Variants in FGFR1OP2 observed in about 807,000 individuals in gnomAD.
The protein encoded by FGFR1OP2 is fibroblast growth factor receptor 1 oncogene partner 2.
A neutral mutation model predicts 35.2 loss-of-function variants in FGFR1OP2; 17 were observed. That is an observed-to-expected ratio of 0.48 (90% CI 0.33 to 0.73). The LOEUF is 0.73. FGFR1OP2 is among the 30% of genes least tolerant of loss of function. The pLI, the probability that FGFR1OP2 is intolerant of heterozygous loss-of-function variation, is 0.02. For synonymous variants in FGFR1OP2, 105 were observed against 104.6 expected, an observed-to-expected ratio of 1.00 and a Z score of -0.03; for missense variants, 251 against 307.3, an observed-to-expected ratio of 0.82 and a Z score of 1.37.
intron 2 of FGFR1OP2, 62 bp from the exon 3 acceptor site, chr12:26,956,481 T>TAC: frequency 1.0e-5 from 1 of 99,218 alleles, no homozygotes; most frequent in Non-Finnish European, 2.0e-5. Context: ...TTATATATCA[T>TAC]ATATATATAT....
At chr12:26,942,979 T>C (rs1938760692) in intron 1 of FGFR1OP2, among the ~76,000 whole-genome samples, 1 of 152,218 alleles carries the variant, frequency 6.6e-6, no homozygotes, top group African/African-American at 2.4e-5. Flanking sequence ...TTTTCTTTTA[T>C]GAATCATGCT....
At chr12:26,947,030 T>G (rs1004583237) in intron 1 of FGFR1OP2, among the ~76,000 whole-genome samples, 10 of 152,132 alleles carry the variant, frequency 6.6e-5, no homozygotes, top group Admixed American at 2.0e-4. Flanking sequence ...TTTTTTTTTT[T>G]GCCAGATATT....
Position 26,952,675 on chromosome 12 carries a change from CTT to C in FGFR1OP2, c.-14-1456_-14-1455del, listed in dbSNP as rs763886345. 7.4e-4 allele frequency among the ~76,000 whole-genome samples: 98 copies of C among 132,468 alleles called. 1 individual carries two copies. Among genetic ancestry groups the C allele is most frequent in the Middle Eastern group, 4.0e-3 (1 of 248 alleles). 86.9% of individuals were successfully genotyped at this position (132,468 alleles called of 152,430 possible). A position where few individuals can be genotyped will look rare whatever the true frequency, so the allele number is the denominator to read the frequency against. On this transcript the variant is annotated intron_variant, in intron 1 of 6. Coordinates refer to ENST00000229395, the MANE Select transcript of FGFR1OP2 (RefSeq NM_015633.3). ...TAAATTTTCTCTTTGCTACTTGTTG[CTT>C]TTTTTTTTTTTTTGTATTGGAGGGG...
intron 1 of FGFR1OP2, among the ~76,000 whole-genome samples, chr12:26,949,997 T>G (rs1938891228): frequency 6.6e-6 from 1 of 152,096 alleles, no homozygotes; most frequent in African/African-American, 2.4e-5. Flanking sequence ...ACAGGCCAAA[T>G]TTTGTGTATC....
intron 1 of FGFR1OP2, among the ~76,000 whole-genome samples, chr12:26,940,309 C>T (rs761357995): frequency 6.6e-6 from 1 of 152,188 alleles, no homozygotes; most frequent in Non-Finnish European, 1.5e-5. Flanking sequence ...CCTCCAGTGT[C>T]ATTACTTCCA....
intron 4 of FGFR1OP2, among the ~76,000 whole-genome samples, chr12:26,959,303 A>G (rs1355993204): frequency 2.0e-5 from 3 of 152,130 alleles, no homozygotes; most frequent in Non-Finnish European, 4.4e-5. Context: ...TAATGAGACC[A>G]TTCTAAAATC....
intron 1 of FGFR1OP2, among the ~76,000 whole-genome samples, chr12:26,951,859 T>G (rs1007201847): frequency 6.6e-6 from 1 of 152,228 alleles, no homozygotes; most frequent in Non-Finnish European, 1.5e-5. Context: ...GTTCTTCTTA[T>G]AGTAGTCCCA....
intron 1 of FGFR1OP2, among the ~76,000 whole-genome samples, chr12:26,950,491 G>T (rs1199312183): frequency 6.6e-6 from 1 of 151,980 alleles, no homozygotes; most frequent in East Asian, 1.9e-4. Context: ...CTCCCAAAGT[G>T]CTGGGATTAC....
At chr12:26,959,104 A>G (rs1038728002) in intron 4 of FGFR1OP2, among the ~76,000 whole-genome samples, 2 of 152,122 alleles carry the variant, frequency 1.3e-5, no homozygotes, top group Non-Finnish European at 2.9e-5. Context: ...CCTATCAAAT[A>G]GCTCTTTATA....
chr12:26,938,839 C>G (rs538544966), intron 1 of FGFR1OP2, 129 bp downstream of exon 1: 2 of 152,380 alleles, frequency 1.3e-5, no homozygotes, highest in South Asian at 2.1e-4. Flanking sequence ...CTGTCCGCTT[C>G]CCGCCGCGGG....
intron 1 of FGFR1OP2, among the ~76,000 whole-genome samples, chr12:26,946,060 A>G (rs1003968545): frequency 2.6e-5 from 4 of 152,122 alleles, no homozygotes; most frequent in African/African-American, 7.2e-5. Context: ...CATTTTGCCT[A>G]TATTGCTGAT....
chr12:26,966,554 T>TG lies in FGFR1OP2; in HGVS notation c.*1821_*1822insG, dbSNP rs1450232127. The TG allele has an allele frequency of 1.5e-3, 231 of 151,918 alleles. 1 individual carries two copies. The highest frequency in any genetic ancestry group is 5.4e-3 in the African/African-American group (222 of 41,488). The allele number at this position is 151,918 out of a possible 1,614,324, so 9.4% of individuals were successfully genotyped here. On this transcript the variant is annotated 3_prime_UTR_variant, in exon 7 of 7. Coordinates refer to ENST00000229395, the MANE Select transcript of FGFR1OP2 (RefSeq NM_015633.3). Reference sequence around the variant, plus strand: ...CATTTCCATCCTATTTTTTTTTTTTTTTTGGTTGTTGTTAAACAGAACCTT... The same window carrying TG: ...CATTTCCATCCTATTTTTTTTTTTTTGTTTGGTTGTTGTTAAACAGAACCTT...
In FGFR1OP2 at chr12:26,964,584, C is replaced by T. The variant is rs1333544445; in HGVS notation, c.625-12C>T. On this transcript the variant is annotated splice_polypyrimidine_tract_variant and intron_variant, in intron 6 of 6. Coordinates refer to ENST00000229395, the MANE Select transcript of FGFR1OP2 (RefSeq NM_015633.3). ...GATAGTGACTGCATCTTTGTTTTTGCTTGCCTTTTAGCAAGAAAACAAAGG... is the reference window on the plus strand; with the variant it reads ...GATAGTGACTGCATCTTTGTTTTTGTTTGCCTTTTAGCAAGAAAACAAAGG... 6.8e-6 allele frequency: 11 copies of T among 1,606,592 alleles called. No individual in the cohort carries two copies. Among genetic ancestry groups the T allele is most frequent in the Non-Finnish European group, 9.4e-6 (11 of 1,174,840 alleles).
Position 26,960,620 on chromosome 12 carries a change from A to T in FGFR1OP2, c.502A>T (p.Asn168Tyr), listed in dbSNP as rs1200263097. ...ACTGGAGAGAAGGCACTTGGAAGCAAATCAGAATGTACACTAAATAAACAG... is the reference window on the plus strand; with the variant it reads ...ACTGGAGAGAAGGCACTTGGAAGCATATCAGAATGTACACTAAATAAACAG... Reference protein sequence around the residue: ...HGLERRHLEANQNELQAHVDQ... With the variant: ...HGLERRHLEAYQNELQAHVDQ... The change falls in exon 5 of 7, where the codon AAT (asparagine) becomes TAT (tyrosine). Residue 168 changes from asparagine to tyrosine, a missense_variant. By Grantham distance (143) the Asn-to-Tyr change is moderately radical. Coordinates refer to ENST00000229395, the MANE Select transcript of FGFR1OP2 (RefSeq NM_015633.3). The T allele has an allele frequency of 6.2e-7, 1 of 1,612,794 alleles. No homozygotes were observed. Among genetic ancestry groups the T allele is most frequent in the South Asian group, 1.1e-5 (1 of 91,018 alleles).
intron 5 of FGFR1OP2, chr12:26,961,296 T>G (rs763665071): frequency 6.6e-6 from 1 of 152,230 alleles, no homozygotes; most frequent in Non-Finnish European, 1.5e-5. Context: ...GTGATACTTC[T>G]CTGAAGATTT....
At position 26,966,326 on chromosome 12, in the gene FGFR1OP2, C is replaced by T. The variant is rs909004598; in HGVS notation, c.*1593C>T. On this transcript the variant is annotated 3_prime_UTR_variant, in exon 7 of 7. Transcript: ENST00000229395. ...ACATTCATTCAGATACTTCTTATCC[C>T]TGCTAATAAAGGAAATCTATTTCAA... 6.6e-6 allele frequency: 1 copy of T among 151,962 alleles called. No individual in the cohort carries two copies. The highest frequency in any genetic ancestry group is 2.4e-5 in the African/African-American group (1 of 41,404). The allele number at this position is 151,962 out of a possible 1,614,324, so 9.4% of individuals were successfully genotyped here.
Position 26,939,434 on chromosome 12 carries a change from G to C in FGFR1OP2, c.-15+724G>C, listed in dbSNP as rs186001048. 2.7e-4 allele frequency among the ~76,000 whole-genome samples: 41 copies of C among 152,218 alleles called. 1 individual carries two copies. Among genetic ancestry groups the C allele is most frequent in the Admixed American group, 2.1e-3 (32 of 15,298 alleles). ...ACATCATCATTCAGGATCTTTTACA[G>C]TCTGCCCCAATCCATTTTACCTTTT... On this transcript the variant is annotated intron_variant, in intron 1 of 6. Transcript: ENST00000229395.
chr12:26,964,567 C>T (rs1939147140), intron 6 of FGFR1OP2, 29 bp from the exon 7 acceptor site: 1 of 1,604,590 alleles, frequency 6.2e-7, no homozygotes, highest in East Asian at 2.2e-5. Context: ...TAGATAGTGA[C>T]TGCATCTTTG....
intron 5 of FGFR1OP2, chr12:26,962,003 A>T (rs1939111729): frequency 6.6e-6 from 1 of 152,178 alleles, no homozygotes; most frequent in Non-Finnish European, 1.5e-5. Context: ...CTAATTCAAA[A>T]CTATCCAGTA....
Sources: gnomAD v4.1 joint callset for allele counts (sites outside exome capture counted in the v4.1 genomes callset) on GRCh38, gnomAD v4.1.1 for gene constraint, MANE v1.5 for transcripts, NCBI Gene and HGNC (gene_info 2026-07-23, HGNC 2026-07-21) for gene names.